The following PTPRM variants were observed in gnomAD, a reference collection of about 807,000 sequenced individuals.
PTPRM encodes the protein protein tyrosine phosphatase receptor type M.
Under a neutral mutation model 186.7 loss-of-function variants are expected in PTPRM, and 47 were observed. That is an observed-to-expected ratio of 0.25 (90% CI 0.20 to 0.32). The LOEUF (loss-of-function observed/expected upper bound fraction) is 0.32, where lower values mean the gene tolerates loss of function less well. PTPRM is among the 10% of genes least tolerant of loss of function. The probability of loss-of-function intolerance (pLI) is 1.00; values close to 1 mark genes in which losing one functional copy is unlikely to be tolerated. For missense variants in PTPRM, 1,494 were observed against 1,865.0 expected, an observed-to-expected ratio of 0.80 and a Z score of 3.66; for synonymous variants, 668 against 674.9, an observed-to-expected ratio of 0.99 and a Z score of 0.16.
chr18:8,025,900 G>A (rs1198740431), intron 7 of PTPRM, among the ~76,000 whole-genome samples: 1 of 152,178 alleles, frequency 6.6e-6, no homozygotes, highest in Non-Finnish European at 1.5e-5. Context: ...AGTTATGTGT[G>A]CTGCACAGGT....
At chr18:8,389,768 T>G (rs1230156498) in intron 31 of PTPRM, among the ~76,000 whole-genome samples, 1 of 152,166 alleles carries the variant, frequency 6.6e-6, no homozygotes, top group Non-Finnish European at 1.5e-5. Context: ...CAGGAAAGAA[T>G]CAAACCACTC....
At chr18:7,620,004 T>G (rs1055349234) in intron 1 of PTPRM, among the ~76,000 whole-genome samples, 1 of 152,172 alleles carries the variant, frequency 6.6e-6, no homozygotes, top group African/African-American at 2.4e-5. Context: ...AGAAGTGATA[T>G]GTTCCTTGAT....
intron 1 of PTPRM, among the ~76,000 whole-genome samples, chr18:7,594,227 C>G (rs2037196688): frequency 6.6e-6 from 1 of 152,168 alleles, no homozygotes. Flanking sequence ...GGCGTGGTGG[C>G]TCATGCCTGT....
chr18:8,209,989 T>TAAAAAAAAAAAA (rs67547673), intron 14 of PTPRM, among the ~76,000 whole-genome samples: 5 of 78,700 alleles, frequency 6.4e-5, no homozygotes, highest in Admixed American at 1.8e-4. Flanking sequence ...GAAGTAAAAT[T>TAAAAAAAAAAAA]AAAAAAAAAA....
chr18:8,342,512 T>C (rs1453380541), intron 22 of PTPRM, among the ~76,000 whole-genome samples: 5 of 152,216 alleles, frequency 3.3e-5, no homozygotes, highest in African/African-American at 1.2e-4. Flanking sequence ...CCTAGTACAA[T>C]TGGGTTCTGG....
chr18:8,370,024 G>A (rs2095654329), intron 23 of PTPRM, among the ~76,000 whole-genome samples: 2 of 152,064 alleles, frequency 1.3e-5, no homozygotes, highest in Non-Finnish European at 2.9e-5. Flanking sequence ...TAGAGTTACA[G>A]AATAGAAATT....
chr18:8,254,532 C>G (rs1247745374), intron 19 of PTPRM, among the ~76,000 whole-genome samples: 1 of 152,032 alleles, frequency 6.6e-6, no homozygotes, highest in African/African-American at 2.4e-5. Flanking sequence ...TTTTTTAAAC[C>G]TTAGAATGTG....
At chr18:8,246,086 A>G (rs1017487028) in intron 15 of PTPRM, among the ~76,000 whole-genome samples, 1 of 152,196 alleles carries the variant, frequency 6.6e-6, no homozygotes, top group African/African-American at 2.4e-5. Flanking sequence ...AGTTCTCATC[A>G]GATCTCATCT....
intron 14 of PTPRM, among the ~76,000 whole-genome samples, chr18:8,206,549 T>C (rs2093934413): frequency 6.6e-6 from 1 of 152,162 alleles, no homozygotes; most frequent in African/African-American, 2.4e-5. Flanking sequence ...CGCCTGGCCC[T>C]GAATGTTTTA....
At chr18:7,796,638 C>T (rs772436334) in intron 2 of PTPRM, among the ~76,000 whole-genome samples, 2 of 152,206 alleles carry the variant, frequency 1.3e-5, no homozygotes, top group South Asian at 4.1e-4. Flanking sequence ...AATGGCTCTT[C>T]AAGTCCACCA....
At chr18:7,589,569 C>T (rs1289920243) in intron 1 of PTPRM, among the ~76,000 whole-genome samples, 1 of 152,182 alleles carries the variant, frequency 6.6e-6, no homozygotes, top group East Asian at 1.9e-4. Flanking sequence ...CCCCACCACC[C>T]TGGCCAAGAG....
At chr18:7,813,674 T>A (rs2044651655) in intron 2 of PTPRM, among the ~76,000 whole-genome samples, 1 of 152,198 alleles carries the variant, frequency 6.6e-6, no homozygotes, top group Admixed American at 6.5e-5. Flanking sequence ...TTTTAAGTAT[T>A]TCTTCTTAAT....
chr18:8,394,442 A>T, intron 31 of PTPRM, 34 bp from the exon 32 acceptor site: 1 of 1,591,008 alleles, frequency 6.3e-7, no homozygotes, highest in South Asian at 1.2e-5. Context: ...GTAAAGACAG[A>T]CCGAGTGCAG....
intron 2 of PTPRM, among the ~76,000 whole-genome samples, chr18:7,779,458 C>A (rs1463678379): frequency 6.6e-6 from 1 of 152,178 alleles, no homozygotes; most frequent in Non-Finnish European, 1.5e-5. Flanking sequence ...AGCGTGTGCA[C>A]TCTGTGTGAT....
intron 32 of PTPRM, among the ~76,000 whole-genome samples, chr18:8,402,567 T>C (rs2095877790): frequency 6.6e-6 from 1 of 152,208 alleles, no homozygotes; most frequent in South Asian, 2.1e-4. Context: ...ATTAGGCTTG[T>C]ATAAAATCTT....
chr18:8,036,222 T>C (rs2086320716), intron 7 of PTPRM, among the ~76,000 whole-genome samples: 1 of 152,228 alleles, frequency 6.6e-6, no homozygotes, highest in Non-Finnish European at 1.5e-5. Flanking sequence ...AAAGTAAAAA[T>C]GAATTGGTTC....
intron 1 of PTPRM, among the ~76,000 whole-genome samples, chr18:7,581,756 A>G (rs553315132): frequency 1.3e-5 from 2 of 151,702 alleles, no homozygotes; most frequent in African/African-American, 2.4e-5. Flanking sequence ...CTCAGGCTCA[A>G]GTGATCCACC....
chr18:7,669,913 T>C (rs879351510), intron 1 of PTPRM, among the ~76,000 whole-genome samples: 7 of 152,054 alleles, frequency 4.6e-5, no homozygotes, highest in Non-Finnish European at 1.0e-4. Context: ...TTTTTTCTTT[T>C]TTGTATTTTT....
intron 7 of PTPRM, among the ~76,000 whole-genome samples, chr18:7,979,396 G>C (rs568079256): frequency 3.0e-4 from 46 of 152,144 alleles, no homozygotes; most frequent in Non-Finnish European, 6.0e-4. Context: ...TAGGTTCATT[G>C]GTTGGATACC....
Sources: gnomAD v4.1 joint callset for allele counts (sites outside exome capture counted in the v4.1 genomes callset) on GRCh38, gnomAD v4.1.1 for gene constraint, MANE v1.5 for transcripts, NCBI Gene and HGNC (gene_info 2026-07-23, HGNC 2026-07-21) for gene names.